The following CSMD2 variants were observed in gnomAD, a reference collection of about 807,000 sequenced individuals.
CSMD2 encodes CUB and sushi domain-containing protein 2.
A neutral mutation model predicts 398.5 loss-of-function variants in CSMD2; 130 were observed. The ratio of observed to expected loss-of-function variants is 0.33; its 90% CI spans 0.28 to 0.38. The LOEUF is 0.38. CSMD2 is among the 10% of genes least tolerant of loss of function. The pLI is 1.00. For synonymous variants in CSMD2, 1,828 were observed against 1,908.5 expected (o/e 0.96, Z 1.10); for missense variants, 3,829 against 4,764.9 (o/e 0.80, Z 5.78).
At chr1:33,955,630 A>G (rs1175215577) in intron 3 of CSMD2, among the ~76,000 whole-genome samples, 1 of 152,124 alleles carries the variant, frequency 6.6e-6, no homozygotes, top group Non-Finnish European at 1.5e-5. Flanking sequence ...AGAATAATGA[A>G]AGTACCTATA....
Position 33,716,501 on chromosome 1 carries a change from C to T in CSMD2, c.3002G>A (p.Gly1001Asp). 6 of 1,610,726 alleles carry T rather than the reference C, an allele frequency of 3.7e-6. No individual in the cohort carries two copies. Among genetic ancestry groups the T allele is most frequent in the Non-Finnish European group, 5.1e-6 (6 of 1,178,540 alleles). The part of the protein sequence containing the change: ...TWIIETSHGK[G>D]VFFTFHTFHL... The stretch of plus-strand genomic sequence containing the variant: ...GAAGGTGTGGAAAGTGAAGAACACA[C>T]CTGCCAAGAGACCAGAGGGTCAGGT... The change falls in exon 20 of 71, where the codon GGT becomes GAT. Residue 1001 changes from glycine (G) to aspartate (D), a missense_variant and splice_region_variant. Transcript: ENST00000373381.
chr1:33,584,567 GGCTGAGGCAGGAGAATT>G (rs1302448495), intron 46 of CSMD2, among the ~76,000 whole-genome samples: 1 of 152,060 alleles, frequency 6.6e-6, no homozygotes, highest in African/African-American at 2.4e-5. Flanking sequence ...CTACTCAGGA[GGCTGAGGCAGGAGAATT>G]GCTTCCCAGG....
chr1:33,987,622 A>G (rs1646405650), intron 3 of CSMD2, among the ~76,000 whole-genome samples: 1 of 152,108 alleles, frequency 6.6e-6, no homozygotes, highest in Non-Finnish European at 1.5e-5. Flanking sequence ...CTGTGGATAA[A>G]TTGCAAGGCT....
At chr1:34,117,417 A>G (rs990198202) in intron 1 of CSMD2, among the ~76,000 whole-genome samples, 1 of 152,126 alleles carries the variant, frequency 6.6e-6, no homozygotes, top group African/African-American at 2.4e-5. Context: ...TGAAGAAATA[A>G]AAACTCTAAA....
chr1:33,690,397 C>T (rs1645196887), intron 25 of CSMD2, among the ~76,000 whole-genome samples: 1 of 152,196 alleles, frequency 6.6e-6, no homozygotes, highest in African/African-American at 2.4e-5. Context: ...CCCATCTCCT[C>T]CTGTCCTGCT....
At chr1:33,620,214 A>G (rs1279148896) in intron 37 of CSMD2, among the ~76,000 whole-genome samples, 1 of 152,272 alleles carries the variant, frequency 6.6e-6, no homozygotes, top group African/African-American at 2.4e-5. Context: ...TTCCATTTAA[A>G]TTAAATAAAC....
chr1:33,959,632 C>T (rs1645284716), intron 3 of CSMD2, among the ~76,000 whole-genome samples: 1 of 152,182 alleles, frequency 6.6e-6, no homozygotes, highest in South Asian at 2.1e-4. Context: ...CTGCCCTTGA[C>T]TCCTTCCATA....
At chr1:33,990,092 G>A (rs778807897) in intron 3 of CSMD2, among the ~76,000 whole-genome samples, 4 of 151,536 alleles carry the variant, frequency 2.6e-5, no homozygotes, top group Non-Finnish European at 5.9e-5. Flanking sequence ...CCAACATGGC[G>A]AAACCCCATC....
rs1167195867 is a variant in CSMD2, at chr1:33,772,749, T to C, written c.1666A>G (p.Ile556Val). 1 of 1,609,282 alleles carries C rather than the reference T, an allele frequency of 6.2e-7. No individual in the cohort carries two copies. The highest frequency in any genetic ancestry group is 1.1e-5 in the South Asian group (1 of 90,818). ...GGGTCACCGCAACTGCCCTGCTCGA[T>C]CTCTGAAAGACAGGAAGATGAGAAA... is the stretch of plus-strand genomic sequence containing the variant. ...SLGFKASYEEIEQGSCGDPGI... is the reference protein window; with the variant it reads ...SLGFKASYEEVEQGSCGDPGI... The change falls in exon 13 of 71, where the codon ATC becomes GTC. Residue 556 changes from isoleucine (I) to valine (V), a missense_variant and splice_region_variant. Transcript: ENST00000373381.
chr1:34,034,915 G>A (rs12067557), intron 2 of CSMD2, among the ~76,000 whole-genome samples: 37,657 of 151,942 alleles, frequency 0.25, 5,270 homozygotes, highest in African/African-American at 0.36. Context: ...GTAAGAAAAC[G>A]GTAAACAGGA....
chr1:33,935,991 T>C (rs774286418), intron 3 of CSMD2, 37 bp from the exon 4 acceptor site: 4 of 1,564,350 alleles, frequency 2.6e-6, no homozygotes, highest in Non-Finnish European at 2.6e-6. Flanking sequence ...GGGTACCCCG[T>C]GAGCTGGGCT....
At chr1:33,712,511 G>C (rs1646027776) in intron 21 of CSMD2, among the ~76,000 whole-genome samples, 1 of 152,208 alleles carries the variant, frequency 6.6e-6, no homozygotes, top group South Asian at 2.1e-4. Flanking sequence ...GTGGTAATTA[G>C]AGGTGACTAT....
At chr1:33,601,663 T>C (rs185021924) in intron 43 of CSMD2, among the ~76,000 whole-genome samples, 7 of 152,312 alleles carry the variant, frequency 4.6e-5, no homozygotes, top group Non-Finnish European at 1.0e-4. Context: ...GATCCAGTGG[T>C]TTGGGAAGAA....
chr1:33,985,468 A>G (rs998182922), intron 3 of CSMD2, among the ~76,000 whole-genome samples: 4 of 152,210 alleles, frequency 2.6e-5, no homozygotes, highest in African/African-American at 9.6e-5. Flanking sequence ...AGGGCTTGGC[A>G]GAGAGGTGGA....
chr1:33,581,117 T>TA (rs978109777), intron 47 of CSMD2, among the ~76,000 whole-genome samples: 1 of 140,532 alleles, frequency 7.1e-6, no homozygotes, highest in African/African-American at 3.2e-5. Flanking sequence ...TGCCTACCTC[T>TA]AGGGGCTGGC....
chr1:33,926,210 C>A (rs559635045), intron 4 of CSMD2, among the ~76,000 whole-genome samples: 3 of 152,248 alleles, frequency 2.0e-5, no homozygotes, highest in African/African-American at 4.8e-5. Context: ...ATCTGCTGAA[C>A]AAATAAATGT....
At chr1:33,797,880 A>G (rs930780724) in intron 10 of CSMD2, among the ~76,000 whole-genome samples, 2 of 152,224 alleles carry the variant, frequency 1.3e-5, no homozygotes, top group Non-Finnish European at 2.9e-5. Flanking sequence ...TATTACGCCT[A>G]TAATGGGAAA....
chr1:33,816,224 A>G (rs1412339407), intron 9 of CSMD2, among the ~76,000 whole-genome samples: 1 of 152,240 alleles, frequency 6.6e-6, no homozygotes, highest in Admixed American at 6.5e-5. Flanking sequence ...TTAGCCACAA[A>G]GGAAAAATAA....
At chr1:33,863,804 C>T (rs563664220) in intron 5 of CSMD2, 1 of 185,216 alleles carries the variant, frequency 5.4e-6, no homozygotes, top group Admixed American at 5.6e-5. Context: ...GATTTTAAGC[C>T]CCTAAAGTGC....
Sources: gnomAD v4.1 joint callset for allele counts (sites outside exome capture counted in the v4.1 genomes callset) on GRCh38, gnomAD v4.1.1 for gene constraint, MANE v1.5 for transcripts, NCBI Gene and HGNC (gene_info 2026-07-23, HGNC 2026-07-21) for gene names.